CDH12: variants seen among roughly 807,000 people sequenced by gnomAD.
CDH12 encodes cadherin 12, also known as cadherin-12.
CDH12 carries 41 observed loss-of-function variants against 74.1 expected under a neutral mutation model. The observed-to-expected ratio is 0.55, with a 90% CI of 0.43 to 0.72. The LOEUF is 0.72. Among genes scored for constraint, CDH12 ranks in the 30% least tolerant of loss-of-function variants. The pLI, the probability that CDH12 is intolerant of heterozygous loss-of-function variation, is 0.00. For synonymous variants in CDH12, 399 were observed against 355.0 expected, an observed-to-expected ratio of 1.12 and a Z score of -1.39; for missense variants, 945 against 977.2, an observed-to-expected ratio of 0.97 and a Z score of 0.44.
chr5:22,388,755 A>T (rs1235446010), intron 3 of CDH12, among the ~76,000 whole-genome samples: 1 of 152,190 alleles, frequency 6.6e-6, no homozygotes, highest in Non-Finnish European at 1.5e-5. Flanking sequence ...TTGGGAAAGG[A>T]ATCTAAATGT....
intron 4 of CDH12, among the ~76,000 whole-genome samples, chr5:22,194,178 A>C (rs1336199880): frequency 6.6e-6 from 1 of 152,138 alleles, no homozygotes; most frequent in Non-Finnish European, 1.5e-5. Flanking sequence ...CCAATGGTAA[A>C]TAGGGGTTAA....
intron 1 of CDH12, among the ~76,000 whole-genome samples, chr5:22,523,318 C>G (rs1458075389): frequency 2.0e-5 from 3 of 152,112 alleles, no homozygotes; most frequent in African/African-American, 7.2e-5. Flanking sequence ...TATATATGCA[C>G]TCTAGGCTCC....
At chr5:22,673,798 A>T (rs1741024929) in intron 1 of CDH12, among the ~76,000 whole-genome samples, 1 of 152,216 alleles carries the variant, frequency 6.6e-6, no homozygotes, top group Admixed American at 6.5e-5. Flanking sequence ...AATAAGGAAA[A>T]ATAGTTACTG....
At chr5:22,683,817 C>A (rs1253031470) in intron 1 of CDH12, among the ~76,000 whole-genome samples, 1 of 152,198 alleles carries the variant, frequency 6.6e-6, no homozygotes, top group Non-Finnish European at 1.5e-5. Context: ...TCCATGCTGT[C>A]CAAGCTCCAG....
intron 9 of CDH12, among the ~76,000 whole-genome samples, chr5:21,815,465 C>T (rs1297676900): frequency 6.6e-6 from 1 of 152,146 alleles, no homozygotes; most frequent in East Asian, 1.9e-4. Context: ...TTCTTTCTCA[C>T]ATTAACAGAC....
At chr5:21,757,758 C>G (rs1199224134) in intron 13 of CDH12, among the ~76,000 whole-genome samples, 3 of 151,628 alleles carry the variant, frequency 2.0e-5, no homozygotes, top group Non-Finnish European at 4.4e-5. Context: ...AAATAGTCAA[C>G]ACTTGGGTTT....
chr5:22,333,501 A>G (rs1739434057), intron 3 of CDH12, among the ~76,000 whole-genome samples: 1 of 152,172 alleles, frequency 6.6e-6, no homozygotes, highest in African/African-American at 2.4e-5. Flanking sequence ...AAAGTCTCCC[A>G]GAAAAGAAAA....
At chr5:22,221,081 T>C (rs1383936741) in intron 3 of CDH12, among the ~76,000 whole-genome samples, 1 of 151,824 alleles carries the variant, frequency 6.6e-6, no homozygotes, top group African/African-American at 2.4e-5. Context: ...TTGAATGATC[T>C]GTTTTTTACT....
At chr5:21,889,013 C>T (rs1752772483) in intron 6 of CDH12, among the ~76,000 whole-genome samples, 1 of 151,818 alleles carries the variant, frequency 6.6e-6, no homozygotes, top group African/African-American at 2.4e-5. Context: ...TAAAGAAAGA[C>T]TAAATACTTA....
chr5:21,782,480 T>C (rs1273443592), intron 11 of CDH12, among the ~76,000 whole-genome samples: 1 of 152,144 alleles, frequency 6.6e-6, no homozygotes, highest in Non-Finnish European at 1.5e-5. Flanking sequence ...TCAGCAGAAA[T>C]GCTCACAGCT....
At chr5:22,290,748 G>A (rs1737351008) in intron 3 of CDH12, among the ~76,000 whole-genome samples, 1 of 152,042 alleles carries the variant, frequency 6.6e-6, no homozygotes, top group African/African-American at 2.4e-5. Context: ...TGAACAATTA[G>A]ACACAAACTA....
chr5:22,613,864 T>A (rs886376840), intron 1 of CDH12, among the ~76,000 whole-genome samples: 3 of 152,074 alleles, frequency 2.0e-5, no homozygotes, highest in African/African-American at 4.8e-5. Context: ...AAATGCTAGA[T>A]TGTAGCTAAA....
At chr5:22,121,314 C>T (rs888866322) in intron 4 of CDH12, among the ~76,000 whole-genome samples, 1 of 152,134 alleles carries the variant, frequency 6.6e-6, no homozygotes, top group African/African-American at 2.4e-5. Flanking sequence ...GGTATGTTTG[C>T]AAGCAGCCCG....
At chr5:22,431,724 A>ATG (rs1744181894) in intron 2 of CDH12, among the ~76,000 whole-genome samples, 1 of 152,194 alleles carries the variant, frequency 6.6e-6, no homozygotes, top group Non-Finnish European at 1.5e-5. Flanking sequence ...GCCTAGGCCA[A>ATG]TGTGTGTGTG....
At chr5:21,993,625 G>C (rs1233078519) in intron 5 of CDH12, among the ~76,000 whole-genome samples, 1 of 152,230 alleles carries the variant, frequency 6.6e-6, no homozygotes, top group South Asian at 2.1e-4. Flanking sequence ...AGAGAGCAAG[G>C]AAGTGTCTTC....
intron 6 of CDH12, among the ~76,000 whole-genome samples, chr5:21,951,684 C>T (rs1463949537): frequency 1.3e-5 from 2 of 152,200 alleles, no homozygotes; most frequent in Non-Finnish European, 2.9e-5. Flanking sequence ...AAAACAGCAG[C>T]TTTCTCTATG....
At chr5:22,134,890 C>A (rs1051366675) in intron 4 of CDH12, among the ~76,000 whole-genome samples, 1 of 151,504 alleles carries the variant, frequency 6.6e-6, no homozygotes, top group African/African-American at 2.4e-5. Context: ...CAAACCTCCA[C>A]ACACTCCCCC....
At chr5:22,424,364 C>T (rs1268435879) in intron 2 of CDH12, among the ~76,000 whole-genome samples, 1 of 152,066 alleles carries the variant, frequency 6.6e-6, no homozygotes, top group Non-Finnish European at 1.5e-5. Flanking sequence ...TTGTGAAAGA[C>T]AACATGTGAA....
At chr5:22,104,208 T>C (rs963495707) in intron 4 of CDH12, among the ~76,000 whole-genome samples, 1 of 152,222 alleles carries the variant, frequency 6.6e-6, no homozygotes, top group Non-Finnish European at 1.5e-5. Context: ...AATATTTATC[T>C]GTTATAGCCA....
Sources: allele counts gnomAD v4.1 joint callset (sites outside exome capture counted in the v4.1 genomes callset), GRCh38; gene constraint gnomAD v4.1.1; transcripts MANE v1.5; gene names NCBI Gene and HGNC (gene_info 2026-07-23, HGNC 2026-07-21).